Variants in HDGFL2 observed in about 807,000 individuals in gnomAD.
HDGFL2 encodes HDGF like 2, also known as hepatoma-derived growth factor-related protein 2.
A neutral mutation model predicts 77.1 loss-of-function variants in HDGFL2; 36 were observed. That is an observed-to-expected ratio of 0.47 (90% confidence interval 0.36 to 0.62). The LOEUF (loss-of-function observed/expected upper bound fraction) is 0.62. HDGFL2 is among the 20% of genes least tolerant of loss of function. The pLI, the probability that HDGFL2 is intolerant of heterozygous loss-of-function variation, is 0.00. For synonymous variants in HDGFL2, 463 were observed against 413.1 expected, an observed-to-expected ratio of 1.12 and a Z score of -1.46; for missense variants, 976 against 973.4, an observed-to-expected ratio of 1.00 and a Z score of -0.04.
chr19:4,498,222 A>G, intron 11 of HDGFL2, 84 bp from the exon 12 acceptor site: 13 of 1,335,888 alleles, frequency 9.7e-6, no homozygotes, highest in Non-Finnish European at 1.3e-5. Flanking sequence ...CAAATCCTCC[A>G]GAGGCTCTCA....
intron 6 of HDGFL2, 90 bp downstream of exon 6, chr19:4,491,925 C>A: frequency 8.2e-7 from 1 of 1,214,928 alleles, no homozygotes. Context: ...CGGGCCATTT[C>A]TGGAGGGGGT....
chr19:4,501,361 G>T (rs370290706), intron 15 of HDGFL2, 44 bp downstream of exon 15: 2 of 1,545,420 alleles, frequency 1.3e-6, no homozygotes, highest in African/African-American at 1.4e-5. Flanking sequence ...GAGCGGCAGC[G>T]GTGTGACGCG....
chr19:4,482,022 T>G (rs1405915197), intron 3 of HDGFL2, among the ~76,000 whole-genome samples: 19 of 134,140 alleles, frequency 1.4e-4, no homozygotes, highest in African/African-American at 5.1e-4. Context: ...TGGCTGGCTT[T>G]GGCCTTTTTT....
At chr19:4,500,218 A>G (rs1266375572) in intron 14 of HDGFL2, among the ~76,000 whole-genome samples, 1 of 152,116 alleles carries the variant, frequency 6.6e-6, no homozygotes, top group African/African-American at 2.4e-5. Flanking sequence ...CCCTTTGGAG[A>G]TGGGATGGGC....
At chr19:4,488,417 G>A (rs1006100686) in intron 3 of HDGFL2, among the ~76,000 whole-genome samples, 1 of 129,132 alleles carries the variant, frequency 7.7e-6, no homozygotes, top group Non-Finnish European at 1.7e-5. Flanking sequence ...AAGCACAGAG[G>A]GTTGAAGTCA....
At chr19:4,493,672 G>C in intron 6 of HDGFL2, 31 bp from the exon 7 acceptor site, 1 of 1,415,300 alleles carries the variant, frequency 7.1e-7, no homozygotes, top group Non-Finnish European at 9.3e-7. Context: ...TGGGGCTCCT[G>C]ATGCTCACGC....
chr19:4,497,844 G>C, intron 10 of HDGFL2, 114 bp from the exon 11 acceptor site: 1 of 916,644 alleles, frequency 1.1e-6, no homozygotes, highest in Non-Finnish European at 1.7e-6. Flanking sequence ...TTAGCTCCCA[G>C]GGCCTCCCAA....
chr19:4,497,238 C>T (rs1036838609), intron 10 of HDGFL2: 10 of 432,500 alleles, frequency 2.3e-5, no homozygotes, highest in Non-Finnish European at 4.6e-5. Context: ...TGCTCTGTGG[C>T]CCAGGCTGGA....
Position 4,475,322 on chromosome 19 carries a change from C to G in HDGFL2, c.120C>G (p.Tyr40Ter). Residue 40 changes from tyrosine (Y) to a stop codon, truncating the protein, a stop_gained, in exon 2 of 16, where the codon TAC becomes TAG. Coordinates refer to ENST00000616600, the MANE Select transcript of HDGFL2 (RefSeq NM_001001520.3). LOFTEE classifies it high-confidence loss of function. ...DGAVKPPPNK[Y>*]PIFFFGTHET... ...CCGTGAAGCCCCCACCCAACAAGTACCCCATCTTTTTCTTTGGCACACACG... is the reference window on the plus strand; with the variant it reads ...CCGTGAAGCCCCCACCCAACAAGTAGCCCATCTTTTTCTTTGGCACACACG... 1 of 1,614,090 alleles carries G rather than the reference C, an allele frequency of 6.2e-7. No homozygotes were observed. The highest frequency in any genetic ancestry group is 8.5e-7 in the Non-Finnish European group (1 of 1,180,010).
intron 10 of HDGFL2, chr19:4,497,327 A>C: frequency 5.5e-6 from 2 of 363,302 alleles, no homozygotes; most frequent in South Asian, 4.1e-5. Context: ...CCTCCAAAGT[A>C]GCTGGGACTA....
chr19:4,495,691 A>G (rs1260172021), intron 9 of HDGFL2, among the ~76,000 whole-genome samples: 5 of 152,090 alleles, frequency 3.3e-5, no homozygotes, highest in Non-Finnish European at 2.9e-5. Context: ...TGGACAGGGT[A>G]GGGACAGGCC....
At chr19:4,490,914 C>T (rs1005141957) in intron 4 of HDGFL2, among the ~76,000 whole-genome samples, 3 of 151,466 alleles carry the variant, frequency 2.0e-5, no homozygotes, top group Non-Finnish European at 4.4e-5. Flanking sequence ...CAGGTTCAAG[C>T]GATTATCCTG....
intron 3 of HDGFL2, among the ~76,000 whole-genome samples, chr19:4,478,708 G>A (rs1226391083): frequency 6.6e-6 from 1 of 151,008 alleles, no homozygotes; most frequent in African/African-American, 2.4e-5. Flanking sequence ...TTCAGACGGT[G>A]TCTCACTCTC....
At chr19:4,494,100 G>A in intron 8 of HDGFL2, 43 bp downstream of exon 8, 4 of 1,528,876 alleles carry the variant, frequency 2.6e-6, no homozygotes, top group South Asian at 1.2e-5. Flanking sequence ...CTCCTCCATC[G>A]GCTGAGGGGC....
chr19:4,494,388 G>A lies in HDGFL2; in HGVS notation c.1137G>A (p.Glu379=), dbSNP rs1239939685. ...GGGACGAGCTCAGGGAGGACGATGA[G>A]CCCGTCAAGAAGCGGGGACGCAAGG... ...SSGDELREDD[E]PVKKRGRKGR... Residue 379 remains glutamate, a synonymous_variant, in exon 9 of 16, where the codon GAG becomes GAA. Coordinates refer to ENST00000616600, the MANE Select transcript of HDGFL2 (RefSeq NM_001001520.3). 7.1e-7 allele frequency: 1 copy of A among 1,403,166 alleles called. No homozygotes were observed. Among genetic ancestry groups the A allele is most frequent in the Non-Finnish European group, 9.2e-7 (1 of 1,083,072 alleles). 86.9% of individuals were successfully genotyped at this position (1,403,166 alleles called of 1,614,324 possible). A position where few individuals can be genotyped will look rare whatever the true frequency, so the allele number is the denominator to read the frequency against.
rs1018908486 is a variant in HDGFL2 at position 4,494,212 on chromosome 19, G to A, written c.961G>A (p.Glu321Lys). 2.7e-6 allele frequency: 4 copies of A among 1,464,874 alleles called. No homozygotes were observed. The highest frequency in any genetic ancestry group is 5.4e-5 in the Admixed American group (2 of 36,800). The allele number at this position is 1,464,874 out of a possible 1,614,324, so 90.7% of individuals were successfully genotyped here. The change falls in exon 9 of 16, where the codon GAG (glutamate) becomes AAG (lysine). Residue 321 changes from glutamate to lysine, a missense_variant. Physicochemically the swap from Glu to Lys is moderately conservative, Grantham distance 56. Around this residue, in one of 5 missense-constraint regions of HDGFL2, gnomAD observed 567 missense variants for 534.7 expected, o/e 1.06. Transcript: ENST00000616600. ...CATCAGTGAGTGGAAGCGGCGGGACGAGGCGCGGAGGCGCGAGCTGGAGGC... is the reference window on the plus strand; with the variant it reads ...CATCAGTGAGTGGAAGCGGCGGGACAAGGCGCGGAGGCGCGAGCTGGAGGC... ...DRISEWKRRD[E>K]ARRRELEARR...
At chr19:4,501,558 T>C (rs959939866) in intron 15 of HDGFL2, 38 of 495,780 alleles carry the variant, frequency 7.7e-5, no homozygotes, top group African/African-American at 7.2e-4. Flanking sequence ...CCTGGGAAGG[T>C]GGCTTCTTGC....
intron 1 of HDGFL2, 37 bp downstream of exon 1, chr19:4,472,459 G>C (rs761046560): frequency 4.5e-6 from 2 of 440,350 alleles, no homozygotes; most frequent in Middle Eastern, 5.9e-4. Flanking sequence ...GTGGGGGGGG[G>C]GGGGGGGGCA....
chr19:4,473,145 G>A (rs1974988685), intron 1 of HDGFL2, among the ~76,000 whole-genome samples: 1 of 150,006 alleles, frequency 6.7e-6, no homozygotes, highest in Non-Finnish European at 1.5e-5. Context: ...GGGGTCTGGG[G>A]CCTGATAAAT....
Sources: allele counts gnomAD v4.1 joint callset (sites outside exome capture counted in the v4.1 genomes callset), GRCh38; gene constraint gnomAD v4.1.1; regional missense constraint gnomAD v4.1.1; transcripts MANE v1.5; gene names NCBI Gene and HGNC (gene_info 2026-07-23, HGNC 2026-07-21).